The following CCT8 variants were observed in gnomAD, a reference collection of about 807,000 sequenced individuals.
CCT8 encodes chaperonin containing TCP1 subunit 8, also known as T-complex protein 1 subunit theta.
Under a neutral mutation model 65.7 loss-of-function variants are expected in CCT8, and 10 were observed. The observed-to-expected ratio is 0.15, with a 90% CI of 0.09 to 0.26. The LOEUF (loss-of-function observed/expected upper bound fraction) is 0.26, where lower values mean the gene tolerates loss of function less well. CCT8 is among the 10% of genes least tolerant of loss of function. The probability of loss-of-function intolerance (pLI) is 1.00; values close to 1 mark genes in which losing one functional copy is unlikely to be tolerated. For synonymous variants in CCT8, 199 were observed against 221.8 expected (o/e 0.90, Z 0.92); for missense variants, 568 against 669.1 (o/e 0.85, Z 1.67).
At chr21:29,072,175 TTCTG>T (rs2085688280) in intron 1 of CCT8, 4 of 565,478 alleles carry the variant, frequency 7.1e-6, no homozygotes, top group Non-Finnish European at 3.1e-6. Flanking sequence ...CGTCTAAGTG[TTCTG>T]TCTATTCCTG....
At chr21:29,070,624 T>C (rs369758865) in intron 1 of CCT8, among the ~76,000 whole-genome samples, 3 of 152,336 alleles carry the variant, frequency 2.0e-5, no homozygotes, top group African/African-American at 7.2e-5. Context: ...AACACAGCAT[T>C]TGATATTCAT....
chr21:29,062,497 G>C lies in CCT8; in HGVS notation c.1001C>G (p.Pro334Arg). 7.4e-6 allele frequency: 12 copies of C among 1,613,790 alleles called. No individual in the cohort carries two copies. Among genetic ancestry groups the C allele is most frequent in the Non-Finnish European group, 1.0e-5 (12 of 1,179,804 alleles). Residue 334 changes from proline to arginine, a missense_variant, in exon 9 of 15, where the codon CCT becomes CGT. By Grantham distance (103) the Pro-to-Arg change is moderately radical. Transcript: ENST00000286788. ...GTTTTCCAAAATACATACCAATCTA[G>C]GAAGAGCTGTAGCACCAACAGTTTT... ...LCKTVGATAL[P>R]RLTPPVLEEM...
chr21:29,060,082 CTT>C (rs961743050), intron 14 of CCT8: 1 of 114,224 alleles, frequency 8.8e-6, no homozygotes, highest in African/African-American at 4.3e-5. Flanking sequence ...TACCACAATT[CTT>C]CAAAAAAAAA....
rs777221484 is a variant in CCT8 at position 29,070,280 on chromosome 21, C to G, written c.118G>C (p.Ala40Pro). ...YRNIQACKEL[A>P]QTTRTAYGPN... ...CCATATGCTGTACGAGTGGTTTGGG[C>G]AAGCTCCTTGCAAGCTTGTATGTTT... Residue 40 changes from alanine to proline, a missense_variant, in exon 2 of 15, where the codon GCC becomes CCC. Transcript: ENST00000286788. 1 of 1,611,996 alleles carries G rather than the reference C, an allele frequency of 6.2e-7. No individual in the cohort carries two copies. The highest frequency in any genetic ancestry group is 2.2e-5 in the East Asian group (1 of 44,816).
At position 29,073,636 on chromosome 21, in the gene CCT8, G is replaced by A. The variant is rs368302157; in HGVS notation, c.-46C>T. ...TTCACGCGACCGCTCGGAAGACCGC[G>A]GAGGAAGCGAGGAGCACGCACAGCC... On this transcript the variant is annotated 5_prime_UTR_variant, in exon 1 of 15. Transcript: ENST00000286788. The A allele has an allele frequency of 6.1e-5, 96 of 1,582,482 alleles. No homozygotes were observed. Among genetic ancestry groups the A allele is most frequent in the Non-Finnish European group, 5.3e-5 (61 of 1,152,572 alleles).
At position 29,072,143 on chromosome 21, in the gene CCT8, G is replaced by C. The variant is rs58012625; in HGVS notation, c.60+1388C>G. 4,300 of 590,650 alleles carry C rather than the reference G, an allele frequency of 7.3e-3. 141 individuals are homozygous for C. The highest frequency in any genetic ancestry group is 0.07 in the African/African-American group (3,784 of 53,682). The allele number at this position is 590,650 out of a possible 1,614,324, so 36.6% of individuals were successfully genotyped here. A position where few individuals can be genotyped will look rare whatever the true frequency, so the allele number is the denominator to read the frequency against. ...TCAGGGGCTTCTCTCACTAAGCACT[G>C]AGCTAAGAGTTCTTCCCTAAACGTC... On this transcript the variant is annotated intron_variant, in intron 1 of 14. Coordinates refer to ENST00000286788, the MANE Select transcript of CCT8 (RefSeq NM_006585.4).
At chr21:29,057,693 T>C (rs2085515256) in intron 14 of CCT8, among the ~76,000 whole-genome samples, 1 of 79,746 alleles carries the variant, frequency 1.3e-5, no homozygotes, top group Non-Finnish European at 3.8e-5. Flanking sequence ...ACATATATCA[T>C]ACATATATCA....
Position 29,060,072 on chromosome 21 carries a change from T to C in CCT8, c.1569+469A>G, listed in dbSNP as rs1371178869. 4 of 141,064 alleles carry C rather than the reference T, an allele frequency of 2.8e-5. No individual in the cohort carries two copies. The East Asian group carries it at 8.5e-4, about 30-fold the overall frequency. 8.7% of individuals were successfully genotyped at this position (141,064 alleles called of 1,614,324 possible). On this transcript the variant is annotated intron_variant, in intron 14 of 14. Coordinates refer to ENST00000286788, the MANE Select transcript of CCT8 (RefSeq NM_006585.4). ...GTTTACTTCTATATATAGAACAGTC[T>C]ACCACAATTCTTCAAAAAAAAAAAA...
intron 14 of CCT8, among the ~76,000 whole-genome samples, chr21:29,056,915 TTGCCA>T: frequency 6.6e-6 from 1 of 152,302 alleles, no homozygotes; most frequent in East Asian, 1.9e-4. Flanking sequence ...GAGATGTGTC[TTGCCA>T]ACCATCTCTG....
At position 29,070,381 on chromosome 21, in the gene CCT8, C is replaced by T. The variant is rs751846605; in HGVS notation, c.61-44G>A. ...AAAAAACCCCGCTAATTAGACAGGA[C>T]AGTGAAACAAAAATTTCAAATACAA... On this transcript the variant is annotated intron_variant, in intron 1 of 14. Transcript: ENST00000286788. 15 of 1,235,980 alleles carry T rather than the reference C, an allele frequency of 1.2e-5. No homozygotes were observed. The South Asian group carries it at 2.0e-4, about 16-fold the overall frequency. 76.6% of individuals were successfully genotyped at this position (1,235,980 alleles called of 1,614,324 possible). A position where few individuals can be genotyped will look rare whatever the true frequency, so the allele number is the denominator to read the frequency against.
intron 14 of CCT8, chr21:29,060,067 C>G (rs984354208): frequency 1.4e-5 from 2 of 142,602 alleles, no homozygotes; most frequent in African/African-American, 5.3e-5. Flanking sequence ...ATATATAGAA[C>G]AGTCTACCAC....
chr21:29,070,308 A>G lies in CCT8; in HGVS notation c.90T>C (p.Tyr30=), dbSNP rs1231485279. Residue 30 remains tyrosine (Y), a synonymous_variant, in exon 2 of 15, where the codon TAT becomes TAC. Coordinates refer to ENST00000286788, the MANE Select transcript of CCT8 (RefSeq NM_006585.4). ...GCTCCTTGCAAGCTTGTATGTTTCT[A>G]TACACAGCCTCTTCTAATCCTGAAA... ...KHFSGLEEAV[Y]RNIQACKELA... 8 of 1,611,952 alleles carry G rather than the reference A, an allele frequency of 5.0e-6. No homozygotes were observed. The highest frequency in any genetic ancestry group is 6.8e-6 in the Non-Finnish European group (8 of 1,178,928).
intron 7 of CCT8, among the ~76,000 whole-genome samples, chr21:29,064,409 TAAAAAAAAAAAA>T (rs34760776): frequency 3.7e-5 from 1 of 26,720 alleles, no homozygotes; most frequent in South Asian, 2.1e-3. Context: ...AGCAAGACTC[TAAAAAAAAAAAA>T]AAAAAAAAAA....
chr21:29,061,282 C>T lies in CCT8; in HGVS notation c.1420G>A (p.Gly474Arg). Residue 474 changes from glycine to arginine, a missense_variant, in exon 13 of 15, where the codon GGA (glycine) becomes AGA (arginine). Coordinates refer to ENST00000286788, the MANE Select transcript of CCT8 (RefSeq NM_006585.4). ...ATATCTAATCCAACGTTTTTATTTC[C>T]TTCTTGATGTACTGCATAAAGTTTA... ...ISKLYAVHQEGNKNVGLDIEA... is the reference protein window; with the variant it reads ...ISKLYAVHQERNKNVGLDIEA... The T allele has an allele frequency of 6.2e-7, 1 of 1,613,510 alleles. No individual in the cohort carries two copies.
chr21:29,060,560 G>C lies in CCT8; in HGVS notation c.1550C>G (p.Thr517Ser), dbSNP rs1057009206. The change falls in exon 14 of 15, where the codon ACT becomes AGT. Residue 517 changes from threonine (T) to serine (S), a missense_variant. By Grantham distance (58) the Thr-to-Ser change is moderately conservative. Transcript: ENST00000286788. ...AIKLATNAAV[T>S]VLRVDQIIMA... ...GCTCACCTGATCCACTCTAAGTACAGTGACTGCAGCATTAGTAGCGAGTTT... is the reference window on the plus strand; with the variant it reads ...GCTCACCTGATCCACTCTAAGTACACTGACTGCAGCATTAGTAGCGAGTTT... 1.2e-6 allele frequency: 2 copies of C among 1,613,820 alleles called. No individual in the cohort carries two copies. The highest frequency in any genetic ancestry group is 8.5e-7 in the Non-Finnish European group (1 of 1,179,790).
intron 7 of CCT8, among the ~76,000 whole-genome samples, chr21:29,064,130 T>C (rs999092755): frequency 2.0e-5 from 3 of 152,090 alleles, no homozygotes; most frequent in Non-Finnish European, 2.9e-5. Flanking sequence ...AAAGGCTAAC[T>C]AGTGTTCCCA....
intron 7 of CCT8, among the ~76,000 whole-genome samples, chr21:29,063,820 G>A (rs1369997381): frequency 1.3e-5 from 2 of 152,162 alleles, no homozygotes; most frequent in Non-Finnish European, 2.9e-5. Context: ...CCATGCTGGA[G>A]TGCAGGCAGG....
At chr21:29,069,601 A>G (rs2085660496) in intron 2 of CCT8, 99 bp from the exon 3 acceptor site, 1 of 652,486 alleles carries the variant, frequency 1.5e-6, no homozygotes, top group Non-Finnish European at 2.5e-6. Flanking sequence ...ATAAATTTGT[A>G]TATTAAAAAA....
intron 7 of CCT8, among the ~76,000 whole-genome samples, chr21:29,063,778 T>C (rs1431716252): frequency 6.6e-6 from 1 of 152,154 alleles, no homozygotes; most frequent in African/African-American, 2.4e-5. Flanking sequence ...TTTATCTATT[T>C]ATTTATTTTG....
Sources: allele counts gnomAD v4.1 joint callset (sites outside exome capture counted in the v4.1 genomes callset), GRCh38; gene constraint gnomAD v4.1.1; transcripts MANE v1.5; gene names NCBI Gene and HGNC (gene_info 2026-07-23, HGNC 2026-07-21).